The following PIK3CB variants were observed in gnomAD, a reference collection of about 807,000 sequenced individuals.
PIK3CB encodes the protein phosphatidylinositol 4,5-bisphosphate 3-kinase catalytic subunit beta isoform.
Under a neutral mutation model 136.8 loss-of-function variants are expected in PIK3CB, and 39 were observed. The observed-to-expected ratio is 0.29, with a 90% CI of 0.22 to 0.37. The LOEUF (loss-of-function observed/expected upper bound fraction) is 0.37, where lower values mean the gene tolerates loss of function less well. Ranked by LOEUF, PIK3CB falls within the 10% of genes least tolerant of loss-of-function variation. PIK3CB has a pLI of 1.00. For synonymous variants in PIK3CB, 428 were observed against 436.6 expected, an observed-to-expected ratio of 0.98 and a Z score of 0.25; for missense variants, 868 against 1,275.4, an observed-to-expected ratio of 0.68 and a Z score of 4.87.
chr3:138,735,748 G>T (rs2045089042), intron 6 of PIK3CB, among the ~76,000 whole-genome samples: 1 of 152,042 alleles, frequency 6.6e-6, no homozygotes, highest in African/African-American at 2.4e-5. Context: ...GTATTCCTCA[G>T]AAGAATGAAT....
intron 14 of PIK3CB, among the ~76,000 whole-genome samples, chr3:138,693,574 AT>A (rs1302495379): frequency 6.6e-6 from 1 of 151,256 alleles, no homozygotes; most frequent in Non-Finnish European, 1.5e-5. Context: ...AATTTTTTGT[AT>A]TTTTAGTAGA....
At chr3:138,829,860 T>C (rs531638737) in intron 1 of PIK3CB, among the ~76,000 whole-genome samples, 26 of 152,218 alleles carry the variant, frequency 1.7e-4, no homozygotes, top group African/African-American at 4.6e-4. Context: ...ACCCATTACA[T>C]TGAAAGACGC....
intron 1 of PIK3CB, among the ~76,000 whole-genome samples, chr3:138,815,593 TTAAG>T (rs1365833891): frequency 6.6e-6 from 1 of 151,934 alleles, no homozygotes; most frequent in African/African-American, 2.4e-5. Flanking sequence ...ATCAAATATA[TTAAG>T]TGATAAGAGA....
In PIK3CB at chr3:138,816,577, AGAGT is replaced by A. The variant is rs1332758908; in HGVS notation, c.-122+18114_-122+18117del. Among the ~76,000 whole-genome samples the A allele has an allele frequency of 2.0e-5, 3 of 150,224 alleles. No homozygotes were observed. The Admixed American group carries it at 2.0e-4, about 10-fold the overall frequency. Reference sequence around the variant, plus strand: ...GCCATTGTACTCTAGCCTGGGGACAAGAGTGAGAGTTTGTCTCAAAATAAATAAA... The same window carrying A: ...GCCATTGTACTCTAGCCTGGGGACAAGAGAGTTTGTCTCAAAATAAATAAA... On this transcript the variant is annotated intron_variant, in intron 1 of 23. Transcript: ENST00000674063.
At chr3:138,749,961 C>T (rs1047316115) in intron 4 of PIK3CB, among the ~76,000 whole-genome samples, 2 of 152,188 alleles carry the variant, frequency 1.3e-5, no homozygotes, top group African/African-American at 2.4e-5. Context: ...GGAGCCTCAA[C>T]CTCTGGGCTC....
intron 8 of PIK3CB, among the ~76,000 whole-genome samples, chr3:138,726,159 A>G (rs1462881278): frequency 3.3e-5 from 5 of 152,240 alleles, no homozygotes; most frequent in African/African-American, 2.4e-5. Flanking sequence ...GGAATATGCC[A>G]CTGTTCAGTT....
intron 3 of PIK3CB, among the ~76,000 whole-genome samples, chr3:138,758,188 T>C (rs535903478): frequency 4.6e-5 from 7 of 152,290 alleles, no homozygotes; most frequent in South Asian, 2.1e-4. Flanking sequence ...TTTCCACTTA[T>C]ATAAAGTACC....
intron 2 of PIK3CB, among the ~76,000 whole-genome samples, chr3:138,795,624 G>A (rs776136834): frequency 5.9e-5 from 9 of 152,062 alleles, no homozygotes; most frequent in South Asian, 2.1e-4. Context: ...GCAAGACTCC[G>A]TTTCAAAAAA....
Position 138,653,510 on chromosome 3 carries a change from T to A in PIK3CB, c.*1879A>T, listed in dbSNP as rs778456317. ...TGGTATCCATTTCTTCCTGGCAGTG[T>A]TCACCATTCTCCAAACCACTGACCT... On this transcript the variant is annotated 3_prime_UTR_variant, in exon 24 of 24. Transcript: ENST00000674063. 3.3e-5 allele frequency: 6 copies of A among 180,550 alleles called. No homozygotes were observed. The highest frequency in any genetic ancestry group is 4.7e-5 in the Non-Finnish European group (4 of 84,474). The allele number at this position is 180,550 out of a possible 1,614,324, so 11.2% of individuals were successfully genotyped here.
At chr3:138,814,324 A>T (rs1172723691) in intron 1 of PIK3CB, among the ~76,000 whole-genome samples, 1 of 152,018 alleles carries the variant, frequency 6.6e-6, no homozygotes, top group East Asian at 1.9e-4. Context: ...CTGAAAATAC[A>T]AAAATTAGCC....
intron 2 of PIK3CB, among the ~76,000 whole-genome samples, chr3:138,775,135 C>G (rs887319774): frequency 1.2e-4 from 18 of 152,324 alleles, no homozygotes; most frequent in Middle Eastern, 3.4e-3. Flanking sequence ...GAAGAAGTAT[C>G]TGTCCTTGAT....
intron 8 of PIK3CB, among the ~76,000 whole-genome samples, chr3:138,728,090 G>A (rs189499362): frequency 1.3e-5 from 2 of 152,214 alleles, no homozygotes; most frequent in Non-Finnish European, 2.9e-5. Context: ...GGGAATGTAG[G>A]CATGAGCCAC....
chr3:138,819,881 C>A (rs1376325152), intron 1 of PIK3CB, among the ~76,000 whole-genome samples: 3 of 152,114 alleles, frequency 2.0e-5, no homozygotes, highest in African/African-American at 7.2e-5. Flanking sequence ...GTGGCTGAGG[C>A]AGGAGAATCG....
chr3:138,703,615 TATAG>T (rs1231345167), intron 12 of PIK3CB, among the ~76,000 whole-genome samples: 4 of 151,808 alleles, frequency 2.6e-5, no homozygotes, highest in South Asian at 2.1e-4. Context: ...TAAATGTAGA[TATAG>T]ATATAGATAT....
At chr3:138,796,161 T>C (rs1430792041) in intron 2 of PIK3CB, among the ~76,000 whole-genome samples, 2 of 152,066 alleles carry the variant, frequency 1.3e-5, no homozygotes, top group African/African-American at 4.8e-5. Context: ...GACGGGCAGA[T>C]CACTTGAGGT....
In PIK3CB at chr3:138,655,612, G is replaced by A. The variant is rs901268081; in HGVS notation, c.3076-86C>T. 6.8e-6 allele frequency: 7 copies of A among 1,024,850 alleles called. No homozygotes were observed. In the East Asian group the frequency reaches 1.4e-4, roughly 21 times the overall value. The allele number at this position is 1,024,850 out of a possible 1,614,324, so 63.5% of individuals were successfully genotyped here. On this transcript the variant is annotated intron_variant, in intron 23 of 23. Transcript: ENST00000674063. ...AAGTCTGCAGGAGGCTGGATTGGTT[G>A]TGCCTCCCCAGCCACCATCAGGCAG...
chr3:138,668,620 C>T (rs1026198250), intron 19 of PIK3CB, among the ~76,000 whole-genome samples: 2 of 152,196 alleles, frequency 1.3e-5, no homozygotes, highest in East Asian at 1.9e-4. Flanking sequence ...TTCTACAACA[C>T]GGGGATGGCA....
intron 21 of PIK3CB, among the ~76,000 whole-genome samples, chr3:138,659,936 C>T (rs1207379195): frequency 4.9e-5 from 6 of 121,400 alleles, no homozygotes; most frequent in East Asian, 2.7e-4. Flanking sequence ...AGTGCAGTGG[C>T]GTGATTTCAG....
At chr3:138,811,349 A>C (rs1166250241) in intron 1 of PIK3CB, among the ~76,000 whole-genome samples, 1 of 152,002 alleles carries the variant, frequency 6.6e-6, no homozygotes, top group Non-Finnish European at 1.5e-5. Context: ...TAAAATTGGA[A>C]TATAAACTAT....
Sources: allele counts gnomAD v4.1 joint callset (sites outside exome capture counted in the v4.1 genomes callset), GRCh38; gene constraint gnomAD v4.1.1; transcripts MANE v1.5; gene names NCBI Gene and HGNC (gene_info 2026-07-23, HGNC 2026-07-21).